SAMD9: variants seen among roughly 807,000 people sequenced by gnomAD.
SAMD9 encodes the protein sterile alpha motif domain-containing protein 9.
Under a neutral mutation model 1.5 loss-of-function variants are expected in SAMD9, and 3 were observed. The observed-to-expected ratio is 2.05, with a 90% CI of 0.93 to 5.29. The LOEUF is 5.29. SAMD9 is among the 30% of genes most tolerant of loss of function. The pLI, the probability that SAMD9 is intolerant of heterozygous loss-of-function variation, is 0.02. For missense variants in SAMD9, 1,597 were observed against 1,820.8 expected (o/e 0.88, Z 2.24); for synonymous variants, 635 against 631.9 (o/e 1.00, Z -0.07).
rs1791635970 is a variant in SAMD9 at position 93,105,958 on chromosome 7, T to C, written c.140A>G (p.Lys47Arg). The C allele has an allele frequency of 6.2e-7, 1 of 1,609,950 alleles. No homozygotes were observed. The highest frequency in any genetic ancestry group is 2.2e-5 in the East Asian group (1 of 44,842). Reference protein sequence around the residue: ...TEQDVNGAVLKWLKKEHLVDM... With the variant: ...TEQDVNGAVLRWLKKEHLVDM... The stretch of plus-strand genomic sequence containing the variant: ...AACAAGATGTTCTTTTTTTAACCAC[T>C]TCAAGACTGCTCCATTCACGTCTTG... The change falls in exon 3 of 3, where the codon AAG becomes AGG. Residue 47 changes from lysine (K) to arginine (R), a missense_variant. Lys to Arg is a conservative substitution (Grantham distance 26). This residue lies in a region of SAMD9 where 498 missense variants were observed against 457.4 expected (regional missense o/e 1.09). Transcript: ENST00000379958.
In SAMD9 at chr7:93,109,201, AC is replaced by A. The variant is rs1225468470; in HGVS notation, c.-8-3097del. ...CCCAGTCAAACAGGGTCTGGAGTGG[AC>A]CTCCAGCAAACTCCAACAGACCTGC... On this transcript the variant is annotated intron_variant, in intron 2 of 2. Transcript: ENST00000379958. 9.9e-5 allele frequency among the ~76,000 whole-genome samples: 15 copies of A among 152,256 alleles called. No homozygotes were observed. The South Asian group carries it at 2.3e-3, about 23-fold the overall frequency.
Position 93,105,484 on chromosome 7 carries a change from G to T in SAMD9, c.614C>A (p.Thr205Lys), listed in dbSNP as rs1442486386. 2.5e-6 allele frequency: 4 copies of T among 1,614,060 alleles called. No homozygotes were observed. The Admixed American group carries it at 6.7e-5, about 27-fold the overall frequency. ...HEFKAFTNTA[T>K]ATEEDVKMKF... ...CATCTTGACATCCTCTTCTGTGGCT[G>T]TTGCTGTATTTGTGAAGGCTTTGAA... The change falls in exon 3 of 3, where the codon ACA becomes AAA. Residue 205 changes from threonine to lysine, a missense_variant. By Grantham distance (78) the Thr-to-Lys change is moderately conservative. Coordinates refer to ENST00000379958, the MANE Select transcript of SAMD9 (RefSeq NM_017654.4).
Position 93,105,977 on chromosome 7 carries a change from C to G in SAMD9, c.121G>C (p.Val41Leu), listed in dbSNP as rs375408867. ...AACCACTTCAAGACTGCTCCATTCA[C>G]GTCTTGTTCAGTCAAAATTTCCCTG... ...KHREILTEQD[V>L]NGAVLKWLKK... The change falls in exon 3 of 3, where the codon GTG becomes CTG. Residue 41 changes from valine (V) to leucine (L), a missense_variant. Val to Leu is a conservative substitution (Grantham distance 32). Around this residue, in one of 6 missense-constraint regions of SAMD9, gnomAD observed 498 missense variants for 457.4 expected, o/e 1.09. Transcript: ENST00000379958. 1.4e-5 allele frequency: 23 copies of G among 1,597,462 alleles called. No individual in the cohort carries two copies. The highest frequency in any genetic ancestry group is 1.9e-5 in the Non-Finnish European group (22 of 1,173,038).
In SAMD9 at chr7:93,100,048, T is replaced by C. The variant is rs887161469; in HGVS notation, c.*1280A>G. On this transcript the variant is annotated 3_prime_UTR_variant, in exon 3 of 3. Coordinates refer to ENST00000379958, the MANE Select transcript of SAMD9 (RefSeq NM_017654.4). ...CAAATTAGGATCTAAAGTCTATATGTTGCCCTTTAGTTGTTAAGTCCCTTA... is the reference window on the plus strand; with the variant it reads ...CAAATTAGGATCTAAAGTCTATATGCTGCCCTTTAGTTGTTAAGTCCCTTA... 1 of 152,218 alleles carries C rather than the reference T, an allele frequency of 6.6e-6. No homozygotes were observed. Among genetic ancestry groups the C allele is most frequent in the Non-Finnish European group, 1.5e-5 (1 of 68,022 alleles). 9.4% of individuals were successfully genotyped at this position (152,218 alleles called of 1,614,324 possible). A position where few individuals can be genotyped will look rare whatever the true frequency, so the allele number is the denominator to read the frequency against.
chr7:93,102,979 C>T lies in SAMD9; in HGVS notation c.3119G>A (p.Arg1040His), dbSNP rs372955426. 5.1e-5 allele frequency: 83 copies of T among 1,613,662 alleles called. 1 individual carries two copies. In the Middle Eastern group the frequency reaches 1.2e-3, roughly 22 times the overall value. The change falls in exon 3 of 3, where the codon CGC (arginine) becomes CAC (histidine). Residue 1040 changes from arginine to histidine, a missense_variant. Transcript: ENST00000379958. ...DMHTLLLTRH[R>H]DEHEGETGNW... Reference sequence around the variant, plus strand: ...TCCTGTTTCACCTTCATGTTCATCGCGGTGTCTTGTGAGTAGGAGTGTGTG... The same window carrying T: ...TCCTGTTTCACCTTCATGTTCATCGTGGTGTCTTGTGAGTAGGAGTGTGTG...
At chr7:93,117,033 T>C (rs1791842617) in intron 1 of SAMD9, among the ~76,000 whole-genome samples, 1 of 152,174 alleles carries the variant, frequency 6.6e-6, no homozygotes, top group African/African-American at 2.4e-5. Flanking sequence ...AACCTAGTAT[T>C]TTTGCCAGGA....
In SAMD9 at chr7:93,101,622, A is replaced by G. The variant is rs768989016; in HGVS notation, c.4476T>C (p.Leu1492=). 3 of 1,613,884 alleles carry G rather than the reference A, an allele frequency of 1.9e-6. No homozygotes were observed. Among genetic ancestry groups the G allele is most frequent in the African/African-American group, 1.3e-5 (1 of 75,040 alleles). The change falls in exon 3 of 3, where the codon CTT becomes CTC. Residue 1492 remains leucine, a synonymous_variant. Transcript: ENST00000379958. ...ACTGGTCAATTTTTCCTTTGTGAAC[A>G]AGTCTTTCCAGTCTTTTACCTTTTC... ...FLGKGKRLER[L]VHKGKIDQCF... is the part of the protein sequence containing the mutation.
chr7:93,104,707 T>C lies in SAMD9; in HGVS notation c.1391A>G (p.His464Arg). The C allele has an allele frequency of 6.2e-7, 1 of 1,614,040 alleles. No individual in the cohort carries two copies. Among genetic ancestry groups the C allele is most frequent in the African/African-American group, 1.3e-5 (1 of 75,050 alleles). The change falls in exon 3 of 3, where the codon CAC (histidine) becomes CGC (arginine). Residue 464 changes from histidine to arginine, a missense_variant. Around this residue, in one of 6 missense-constraint regions of SAMD9, gnomAD observed 358 missense variants for 460.4 expected, o/e 0.78. Coordinates refer to ENST00000379958, the MANE Select transcript of SAMD9 (RefSeq NM_017654.4). ...CTGTTCTACATATACACTTGGAAAGTGAAGGTTTGCTACTCGGCTTTCTTT... is the reference window on the plus strand; with the variant it reads ...CTGTTCTACATATACACTTGGAAAGCGAAGGTTTGCTACTCGGCTTTCTTT... ...AYKESRVANL[H>R]FPSVYVEQKT...
At chr7:93,108,860 CT>C (rs1791692036) in intron 2 of SAMD9, among the ~76,000 whole-genome samples, 1 of 152,172 alleles carries the variant, frequency 6.6e-6, no homozygotes, top group Non-Finnish European at 1.5e-5. Context: ...CCTCTGTAGA[CT>C]CCACCTGTGG....
chr7:93,115,027 AT>A (rs1436045188), intron 1 of SAMD9, 132 bp from the exon 2 acceptor site: 3 of 152,132 alleles, frequency 2.0e-5, no homozygotes, highest in Admixed American at 6.5e-5. Flanking sequence ...GCATTTGTTG[AT>A]TTGGGGTTGG....
At chr7:93,107,297 A>G (rs936334502) in intron 2 of SAMD9, among the ~76,000 whole-genome samples, 2 of 152,230 alleles carry the variant, frequency 1.3e-5, no homozygotes, top group African/African-American at 4.8e-5. Flanking sequence ...CATCTGGAAT[A>G]GCTTGCTGAG....
At chr7:93,113,877 G>A (rs1791788725) in intron 2 of SAMD9, among the ~76,000 whole-genome samples, 1 of 152,154 alleles carries the variant, frequency 6.6e-6, no homozygotes, top group African/African-American at 2.4e-5. Context: ...CAACCATTGT[G>A]GAAGACAATG....
Position 93,103,401 on chromosome 7 carries a change from A to G in SAMD9, c.2697T>C (p.Asn899=). The stretch of plus-strand genomic sequence containing the variant: ...GCCCTTTCAGGATATTCCGGACCAC[A>G]TTTTCTATGTATTCTTTATTAAAAT... ...KTNFNKEYIE[N]VVRNILKGQN... The change falls in exon 3 of 3, where the codon AAT becomes AAC. Residue 899 remains asparagine (N), a synonymous_variant. Coordinates refer to ENST00000379958, the MANE Select transcript of SAMD9 (RefSeq NM_017654.4). The G allele has an allele frequency of 2.5e-6, 4 of 1,613,482 alleles. No individual in the cohort carries two copies. The highest frequency in any genetic ancestry group is 3.4e-6 in the Non-Finnish European group (4 of 1,179,546).
At chr7:93,115,581 G>T (rs890564443) in intron 1 of SAMD9, among the ~76,000 whole-genome samples, 7 of 152,102 alleles carry the variant, frequency 4.6e-5, no homozygotes, top group Non-Finnish European at 1.0e-4. Flanking sequence ...ATCTTGATAT[G>T]GCTAGCGGTT....
In SAMD9 at chr7:93,101,681, G is replaced by A. The variant is rs145665736; in HGVS notation, c.4417C>T (p.Arg1473Cys). The A allele has an allele frequency of 6.8e-5, 109 of 1,613,250 alleles. No homozygotes were observed. The highest frequency in any genetic ancestry group is 5.9e-4 in the African/African-American group (44 of 74,942). ...SFKGQYKHMH[R>C]TKQPIAYFFL... ...AAATATGCAATTGGTTGCTTTGTAC[G>A]ATGCATATGTTTATATTGCCCCTTG... The change falls in exon 3 of 3, where the codon CGT becomes TGT. Residue 1473 changes from arginine (R) to cysteine (C), a missense_variant. This residue lies in a region of SAMD9 where 682 missense variants were observed against 810.0 expected (regional missense o/e 0.84). Coordinates refer to ENST00000379958, the MANE Select transcript of SAMD9 (RefSeq NM_017654.4).
rs903638642 is a variant in SAMD9 at position 93,111,825 on chromosome 7, C to G, written c.-9+2970G>C. ...ATTGAGGCAACAATTAATAGCCTAC[C>G]AACCAAAAAAAGTCCAGGACCAGAT... On this transcript the variant is annotated intron_variant, in intron 2 of 2. Transcript: ENST00000379958. Among the ~76,000 whole-genome samples, 27 of 152,034 alleles carry G rather than the reference C, an allele frequency of 1.8e-4. 1 individual carries two copies. The highest frequency in any genetic ancestry group is 1.8e-3 in the Admixed American group (27 of 15,258).
intron 2 of SAMD9, among the ~76,000 whole-genome samples, chr7:93,108,174 C>T (rs937677436): frequency 6.6e-6 from 1 of 152,192 alleles, no homozygotes; most frequent in African/African-American, 2.4e-5. Context: ...GCCTGTGTGG[C>T]TAAGGCTTCT....
In SAMD9 at chr7:93,104,065, G is replaced by A. The variant is rs1026536506; in HGVS notation, c.2033C>T (p.Ser678Leu). The change falls in exon 3 of 3, where the codon TCA becomes TTA. Residue 678 changes from serine to leucine, a missense_variant. Around this residue, in one of 6 missense-constraint regions of SAMD9, gnomAD observed 358 missense variants for 460.4 expected, o/e 0.78. Transcript: ENST00000379958. ...DKNKFLEFKASKEEDFYRGGK... is the reference protein window; with the variant it reads ...DKNKFLEFKALKEEDFYRGGK... Reference sequence around the variant, plus strand: ...ACCTCGATAGAAGTCTTCCTCTTTTGATGCCTTGAATTCAAGGAATTTATT... The same window carrying A: ...ACCTCGATAGAAGTCTTCCTCTTTTAATGCCTTGAATTCAAGGAATTTATT... 2.5e-6 allele frequency: 4 copies of A among 1,613,820 alleles called. No individual in the cohort carries two copies. In the African/African-American group the frequency reaches 5.3e-5, roughly 22 times the overall value.
At position 93,105,982 on chromosome 7, in the gene SAMD9, T is replaced by C. The variant is rs745435231; in HGVS notation, c.116A>G (p.Gln39Arg). Residue 39 changes from glutamine to arginine, a missense_variant, in exon 3 of 3, where the codon CAA becomes CGA. Gln to Arg is a conservative substitution (Grantham distance 43, BLOSUM62 1). Transcript: ENST00000379958. ...DQKHREILTEQDVNGAVLKWL... is the reference protein window; with the variant it reads ...DQKHREILTERDVNGAVLKWL... Reference sequence around the variant, plus strand: ...CTTCAAGACTGCTCCATTCACGTCTTGTTCAGTCAAAATTTCCCTGTGTTT... The same window carrying C: ...CTTCAAGACTGCTCCATTCACGTCTCGTTCAGTCAAAATTTCCCTGTGTTT... The C allele has an allele frequency of 1.9e-6, 3 of 1,597,204 alleles. No homozygotes were observed. The East Asian group carries it at 6.7e-5, about 36-fold the overall frequency.
Sources: gnomAD v4.1 joint callset for allele counts (sites outside exome capture counted in the v4.1 genomes callset) on GRCh38, gnomAD v4.1.1 for gene constraint, gnomAD v4.1.1 regional missense constraint, MANE v1.5 for transcripts, NCBI Gene and HGNC (gene_info 2026-07-23, HGNC 2026-07-21) for gene names.